Variants in SH2D4B observed in about 807,000 individuals in gnomAD.
The protein encoded by SH2D4B is SH2 domain-containing protein 4B.
In SH2D4B, 45 loss-of-function variants were observed where a neutral mutation model predicts 61.5. The observed-to-expected ratio is 0.73, with a 90% CI of 0.58 to 0.94. The LOEUF (loss-of-function observed/expected upper bound fraction) is 0.94, where lower values mean the gene tolerates loss of function less well. Among genes scored for constraint, SH2D4B ranks in the 40% least tolerant of loss-of-function variants. The pLI is 0.00. For missense variants in SH2D4B, 572 were observed against 574.2 expected, an observed-to-expected ratio of 1.00 and a Z score of 0.04; for synonymous variants, 224 against 220.4, an observed-to-expected ratio of 1.02 and a Z score of -0.14.
chr10:80,596,783 G>A (rs182826422), intron 4 of SH2D4B, among the ~76,000 whole-genome samples: 1 of 152,262 alleles, frequency 6.6e-6, no homozygotes, highest in Admixed American at 6.5e-5. Context: ...GTTCAGTGCT[G>A]GTGCGTAGCT....
intron 1 of SH2D4B, among the ~76,000 whole-genome samples, chr10:80,557,635 C>T (rs1177560962): frequency 6.6e-6 from 1 of 152,116 alleles, no homozygotes; most frequent in Non-Finnish European, 1.5e-5. Flanking sequence ...AAGTTATCAA[C>T]TTGATATAAA....
intron 7 of SH2D4B, among the ~76,000 whole-genome samples, chr10:80,638,068 G>T (rs970893062): frequency 1.6e-4 from 24 of 152,326 alleles, no homozygotes; most frequent in African/African-American, 5.3e-4. Context: ...CATTGGTTCT[G>T]TTTATGTGAT....
chr10:80,622,462 T>C (rs964468826), intron 6 of SH2D4B, among the ~76,000 whole-genome samples: 2 of 152,260 alleles, frequency 1.3e-5, no homozygotes, highest in Non-Finnish European at 2.9e-5. Flanking sequence ...ACGGAGCTGC[T>C]GCTTGTGTAG....
chr10:80,591,778 G>T (rs1193625020), intron 4 of SH2D4B, among the ~76,000 whole-genome samples: 6 of 152,090 alleles, frequency 3.9e-5, no homozygotes, highest in Admixed American at 3.9e-4. Flanking sequence ...TGGGATTACA[G>T]TGTGAGCCAC....
At chr10:80,599,075 G>A (rs1404477251) in intron 4 of SH2D4B, among the ~76,000 whole-genome samples, 1 of 152,128 alleles carries the variant, frequency 6.6e-6, no homozygotes, top group Admixed American at 6.6e-5. Context: ...AGTGGGAAAC[G>A]TGGGCTCAGG....
At chr10:80,612,736 TAA>T (rs1178939262) in intron 6 of SH2D4B, among the ~76,000 whole-genome samples, 2 of 152,200 alleles carry the variant, frequency 1.3e-5, no homozygotes. Flanking sequence ...CTTTCCCAGA[TAA>T]AAGAGTCTTA....
rs1842043159 is a variant in SH2D4B, at chr10:80,571,516, G to T, written c.433G>T (p.Val145Leu). ...CCGGATCTTGGCGGAGAAGTGGAAA[G>T]TGGAGATGGAAGACCGCAAGGCTGC... is the stretch of plus-strand genomic sequence containing the variant. ...KARILAEKWK[V>L]EMEDRKAAKV... is the part of the protein sequence containing the mutation. The change falls in exon 3 of 8, where the codon GTG becomes TTG. Residue 145 changes from valine to leucine, a missense_variant. By Grantham distance (32) the Val-to-Leu change is conservative. Transcript: ENST00000646907. The T allele has an allele frequency of 6.2e-7, 1 of 1,614,154 alleles. No homozygotes were observed. The highest frequency in any genetic ancestry group is 8.5e-7 in the Non-Finnish European group (1 of 1,180,026).
Position 80,538,180 on chromosome 10 carries a change from C to A in SH2D4B, c.-152C>A. 1.7e-6 allele frequency: 1 copy of A among 580,618 alleles called. No homozygotes were observed. The highest frequency in any genetic ancestry group is 2.6e-6 in the Non-Finnish European group (1 of 387,278). 36.0% of individuals were successfully genotyped at this position (580,618 alleles called of 1,614,324 possible). ...AGATGAGTTCGTCGCTGGCTGCAAG[C>A]TGAGGCCAACTGACAATGCTGCACA... On this transcript the variant is annotated 5_prime_UTR_variant, in exon 1 of 8. The change creates a new upstream start codon in the 5' untranslated region. Transcript: ENST00000646907. This position sits in a 1 kb window ranked among gnomAD's most constrained non-coding sequence, Gnocchi z 4.8.
intron 3 of SH2D4B, among the ~76,000 whole-genome samples, chr10:80,584,267 G>A (rs7897591): frequency 0.27 from 41,727 of 151,824 alleles, 6,757 homozygotes; most frequent in African/African-American, 0.45. Flanking sequence ...ATTTGTAGGT[G>A]GATGGAGAGG....
At chr10:80,622,812 G>T (rs1842729683) in intron 6 of SH2D4B, among the ~76,000 whole-genome samples, 1 of 152,210 alleles carries the variant, frequency 6.6e-6, no homozygotes, top group South Asian at 2.1e-4. Flanking sequence ...TATCATGAAG[G>T]TCTTGTGTTA....
At chr10:80,603,275 C>T (rs1221448528) in intron 4 of SH2D4B, among the ~76,000 whole-genome samples, 2 of 152,066 alleles carry the variant, frequency 1.3e-5, no homozygotes, top group Non-Finnish European at 2.9e-5. Context: ...TCTGGAATGG[C>T]GTCACAGGAA....
chr10:80,591,434 C>A (rs535683136), intron 4 of SH2D4B, among the ~76,000 whole-genome samples: 1 of 150,594 alleles, frequency 6.6e-6, no homozygotes, highest in Non-Finnish European at 1.5e-5. Flanking sequence ...TTGCTAGTGG[C>A]GACTCTTCAG....
Position 80,563,265 on chromosome 10 carries a change from T to G in SH2D4B, c.185-6889T>G, listed in dbSNP as rs181328520. On this transcript the variant is annotated intron_variant, in intron 1 of 7. Transcript: ENST00000646907. ...ATGCCTTCCTTTGAGAAATATCTAT[T>G]CTAGTCTTTTGCCAATTTTTTAAAT... Among the ~76,000 whole-genome samples the G allele has an allele frequency of 2.4e-3, 365 of 152,330 alleles. 8 individuals carry two copies. The highest frequency in any genetic ancestry group is 0.022 in the Admixed American group (337 of 15,296).
rs1473146748 is a variant in SH2D4B, at chr10:80,592,941, A to G, written c.643+4164A>G. Among the ~76,000 whole-genome samples, 3 of 149,576 alleles carry G rather than the reference A, an allele frequency of 2.0e-5. No homozygotes were observed. The East Asian group carries it at 5.9e-4, about 29-fold the overall frequency. On this transcript the variant is annotated intron_variant, in intron 4 of 7. Coordinates refer to ENST00000646907, the MANE Select transcript of SH2D4B (RefSeq NM_001388272.1). Reference sequence around the variant, plus strand: ...GCCATGTTGCCCAGTCTGGTCTTGAACTCCTGAGCTTAAACGATCTGCCTG... The same window carrying G: ...GCCATGTTGCCCAGTCTGGTCTTGAGCTCCTGAGCTTAAACGATCTGCCTG...
At chr10:80,543,331 C>T (rs949865084) in intron 1 of SH2D4B, among the ~76,000 whole-genome samples, 9 of 152,106 alleles carry the variant, frequency 5.9e-5, no homozygotes, top group African/African-American at 1.2e-4. Flanking sequence ...GGGCGGACCC[C>T]GCACTCGGAG....
At chr10:80,603,543 C>A in intron 4 of SH2D4B, 36 bp from the exon 5 acceptor site, 10 of 1,491,142 alleles carry the variant, frequency 6.7e-6, no homozygotes, top group Non-Finnish European at 9.0e-6. Context: ...GCCTGGGCTG[C>A]GGATCTGGGC....
At chr10:80,564,826 C>A (rs1465955498) in intron 1 of SH2D4B, among the ~76,000 whole-genome samples, 1 of 152,158 alleles carries the variant, frequency 6.6e-6, no homozygotes, top group Non-Finnish European at 1.5e-5. Flanking sequence ...GTGGCTTAAG[C>A]CAAAACATTC....
At chr10:80,570,380 C>G in intron 2 of SH2D4B, 64 bp downstream of exon 2, 1 of 1,557,478 alleles carries the variant, frequency 6.4e-7, no homozygotes, top group Non-Finnish European at 8.7e-7. Flanking sequence ...GCCCCACGCA[C>G]GGCTAATTTT....
At chr10:80,583,649 G>A (rs933466241) in intron 3 of SH2D4B, among the ~76,000 whole-genome samples, 2 of 152,074 alleles carry the variant, frequency 1.3e-5, no homozygotes, top group East Asian at 1.9e-4. Flanking sequence ...CAGCCTGGGT[G>A]ACAGTGAGAC....
Sources: allele counts gnomAD v4.1 joint callset (sites outside exome capture counted in the v4.1 genomes callset), GRCh38; gene constraint gnomAD v4.1.1; non-coding constraint Gnocchi (gnomAD v3.1); transcripts MANE v1.5; gene names NCBI Gene and HGNC (gene_info 2026-07-23, HGNC 2026-07-21).